LRRC8D: variants seen among roughly 807,000 people sequenced by gnomAD.
LRRC8D encodes the protein leucine rich repeat containing 8 VRAC subunit D.
A neutral mutation model predicts 55.8 loss-of-function variants in LRRC8D; 20 were observed. The observed-to-expected ratio is 0.36, with a 90% CI of 0.25 to 0.52. LRRC8D has a LOEUF of 0.52. Ranked by LOEUF, LRRC8D falls within the 20% of genes least tolerant of loss-of-function variation. The pLI is 0.93. For missense variants in LRRC8D, 651 were observed against 1,030.8 expected (o/e 0.63, Z 5.05); for synonymous variants, 352 against 377.0 (o/e 0.93, Z 0.77).
intron 1 of LRRC8D, among the ~76,000 whole-genome samples, chr1:89,834,660 A>AT (rs1218124351): frequency 2.6e-5 from 4 of 152,322 alleles, no homozygotes; most frequent in Non-Finnish European, 5.9e-5. Flanking sequence ...TGAGAGCTAC[A>AT]TTTTTTGGAC....
rs745707445 is a variant in LRRC8D at position 89,933,635 on chromosome 1, A to G, written c.567A>G (p.Thr189=). The G allele has an allele frequency of 1.9e-5, 31 of 1,614,186 alleles. No homozygotes were observed. The East Asian group carries it at 5.3e-4, about 28-fold the overall frequency. ...SSNFWFKYPK[T]CSKVEHFVSI... ...ACTTTTGGTTCAAATATCCCAAAAC[A>G]TGCTCAAAAGTAGAACATTTTGTTT... is the stretch of plus-strand genomic sequence containing the variant. The change falls in exon 3 of 3, where the codon ACA becomes ACG. Residue 189 remains threonine, a synonymous_variant. Coordinates refer to ENST00000337338, the MANE Select transcript of LRRC8D (RefSeq NM_001134479.2). The surrounding 1 kb of genome is among the most constrained non-coding windows in gnomAD (Gnocchi z 7.0).
intron 2 of LRRC8D, among the ~76,000 whole-genome samples, chr1:89,849,203 A>G (rs1027877190): frequency 3.3e-5 from 5 of 152,230 alleles, no homozygotes; most frequent in Admixed American, 3.3e-4. Flanking sequence ...CCTTTCAGCA[A>G]AAGTTAAGTT....
intron 2 of LRRC8D, among the ~76,000 whole-genome samples, chr1:89,890,404 G>C (rs1464559084): frequency 6.6e-6 from 1 of 152,150 alleles, no homozygotes; most frequent in Non-Finnish European, 1.5e-5. Flanking sequence ...CCTGGTTACA[G>C]CCAACTTTTT....
At chr1:89,927,609 A>G (rs1372084419) in intron 2 of LRRC8D, among the ~76,000 whole-genome samples, 1 of 152,222 alleles carries the variant, frequency 6.6e-6, no homozygotes, top group Non-Finnish European at 1.5e-5. Flanking sequence ...ATTTTAGTAG[A>G]TAATACTAAA....
At chr1:89,832,832 A>C (rs1660918615) in intron 1 of LRRC8D, among the ~76,000 whole-genome samples, 1 of 152,246 alleles carries the variant, frequency 6.6e-6, no homozygotes, top group African/African-American at 2.4e-5. Context: ...ATCCAGTCCT[A>C]GTGACGAATC....
chr1:89,827,001 T>C (rs763928346), intron 1 of LRRC8D, among the ~76,000 whole-genome samples: 3 of 152,176 alleles, frequency 2.0e-5, no homozygotes, highest in Non-Finnish European at 4.4e-5. Flanking sequence ...CTTCATGTTG[T>C]TGTCCTGACT....
chr1:89,884,777 G>T (rs754920017), intron 2 of LRRC8D, among the ~76,000 whole-genome samples: 1 of 152,156 alleles, frequency 6.6e-6, no homozygotes, highest in Non-Finnish European at 1.5e-5. Flanking sequence ...ACCAGAGAAC[G>T]GCACAGTAAC....
At position 89,935,016 on chromosome 1, in the gene LRRC8D, A is replaced by G. The variant is rs1663802735; in HGVS notation, c.1948A>G (p.Ile650Val). Reference sequence around the variant, plus strand: ...ACTCCAGAACTGTGAGCTAGAGAGAATCCCACATGCTATTTTCAGCCTCTC... The same window carrying G: ...ACTCCAGAACTGTGAGCTAGAGAGAGTCCCACATGCTATTTTCAGCCTCTC... Reference protein sequence around the residue: ...LELQNCELERIPHAIFSLSNL... With the variant: ...LELQNCELERVPHAIFSLSNL... Residue 650 changes from isoleucine to valine, a missense_variant, in exon 3 of 3, where the codon ATC (isoleucine) becomes GTC (valine). Ile to Val is a conservative substitution (Grantham distance 29, BLOSUM62 3). This residue lies in a region of LRRC8D where 338 missense variants were observed against 479.4 expected (regional missense o/e 0.71). Transcript: ENST00000337338. The G allele has an allele frequency of 1.2e-6, 2 of 1,614,082 alleles. No individual in the cohort carries two copies. Among genetic ancestry groups the G allele is most frequent in the Middle Eastern group, 1.6e-4 (1 of 6,084 alleles).
chr1:89,845,929 G>A (rs1421067902), intron 2 of LRRC8D, among the ~76,000 whole-genome samples: 3 of 151,940 alleles, frequency 2.0e-5, no homozygotes, highest in Non-Finnish European at 2.9e-5. Flanking sequence ...TTACAGGCAC[G>A]CACCACCTCG....
rs548067583 is a variant in LRRC8D at position 89,859,206 on chromosome 1, C to T, written c.-3+15424C>T. Among the ~76,000 whole-genome samples, 32 of 150,452 alleles carry T rather than the reference C, an allele frequency of 2.1e-4. No individual in the cohort carries two copies. In the South Asian group the frequency reaches 4.8e-3, roughly 23 times the overall value. On this transcript the variant is annotated intron_variant, in intron 2 of 2. Coordinates refer to ENST00000337338, the MANE Select transcript of LRRC8D (RefSeq NM_001134479.2). The stretch of plus-strand genomic sequence containing the variant: ...TTACAAGTCATAATAGTAGACTATT[C>T]GGTAAATGTAGGGAGTAATGGTAGG...
At chr1:89,882,128 C>T (rs1352650081) in intron 2 of LRRC8D, among the ~76,000 whole-genome samples, 2 of 152,176 alleles carry the variant, frequency 1.3e-5, no homozygotes, top group Admixed American at 1.3e-4. Context: ...CTTTTGGATG[C>T]ACTCTGGGAC....
At chr1:89,851,085 T>TTTTC (rs944184166) in intron 2 of LRRC8D, among the ~76,000 whole-genome samples, 1 of 151,442 alleles carries the variant, frequency 6.6e-6, no homozygotes, top group African/African-American at 2.4e-5. Flanking sequence ...TTTTTTTGTC[T>TTTTC]TTTCTTTTCT....
At chr1:89,862,057 G>C (rs1321689043) in intron 2 of LRRC8D, among the ~76,000 whole-genome samples, 1 of 152,172 alleles carries the variant, frequency 6.6e-6, no homozygotes, top group Non-Finnish European at 1.5e-5. Flanking sequence ...ATTTAGAAAA[G>C]TGGTAGAATC....
chr1:89,918,704 A>G (rs1663337644), intron 2 of LRRC8D, among the ~76,000 whole-genome samples: 1 of 152,204 alleles, frequency 6.6e-6, no homozygotes. Flanking sequence ...GTGCTTAATT[A>G]TGAGTCAAAC....
At chr1:89,906,011 AT>A (rs1233764227) in intron 2 of LRRC8D, among the ~76,000 whole-genome samples, 1 of 152,198 alleles carries the variant, frequency 6.6e-6, no homozygotes, top group Non-Finnish European at 1.5e-5. Flanking sequence ...CCTCTCTACA[AT>A]TGTATTTGAA....
intron 2 of LRRC8D, among the ~76,000 whole-genome samples, chr1:89,917,358 C>A (rs1430821175): frequency 1.3e-5 from 2 of 152,098 alleles, no homozygotes; most frequent in Non-Finnish European, 2.9e-5. Flanking sequence ...CCAGAGTAAT[C>A]TTTAAAAGGG....
At chr1:89,903,617 A>G (rs922352606) in intron 2 of LRRC8D, among the ~76,000 whole-genome samples, 2 of 152,166 alleles carry the variant, frequency 1.3e-5, no homozygotes, top group African/African-American at 4.8e-5. Context: ...GGTTACACAT[A>G]TTGGAATATG....
chr1:89,889,145 T>C (rs1049430263), intron 2 of LRRC8D, among the ~76,000 whole-genome samples: 1 of 152,172 alleles, frequency 6.6e-6, no homozygotes, highest in Non-Finnish European at 1.5e-5. Context: ...CTTGATATGA[T>C]GTGATGAGAA....
At chr1:89,883,330 AGATCCAGTTG>A (rs1662330960) in intron 2 of LRRC8D, among the ~76,000 whole-genome samples, 1 of 152,170 alleles carries the variant, frequency 6.6e-6, no homozygotes. Context: ...TGGAGCAGTT[AGATCCAGTTG>A]GATCAACTAA....
Sources: gnomAD v4.1 joint callset for allele counts (sites outside exome capture counted in the v4.1 genomes callset) on GRCh38, gnomAD v4.1.1 for gene constraint, gnomAD v4.1.1 regional missense constraint, Gnocchi (gnomAD v3.1) non-coding constraint, MANE v1.5 for transcripts, NCBI Gene and HGNC (gene_info 2026-07-23, HGNC 2026-07-21) for gene names.